RPS3: variants seen among roughly 807,000 people sequenced by gnomAD.
RPS3 encodes the protein small ribosomal subunit protein uS3.
RPS3 carries 2 observed loss-of-function variants against 25.8 expected under a neutral mutation model. That is an observed-to-expected ratio of 0.08 (90% CI 0.03 to 0.24). RPS3 has a LOEUF of 0.24. Among genes scored for constraint, RPS3 ranks in the 10% least tolerant of loss-of-function variants. RPS3 has a pLI of 1.00. For missense variants in RPS3, 107 were observed against 307.1 expected (o/e 0.35, Z 4.87); for synonymous variants, 114 against 114.2 (o/e 1.00, Z 0.01).
chr11:75,417,333 C>T (rs1047391270), intron 6 of RPS3, among the ~76,000 whole-genome samples: 4 of 152,100 alleles, frequency 2.6e-5, no homozygotes, highest in Admixed American at 2.6e-4. Flanking sequence ...AGTGGTGGCT[C>T]ATGCCTGTAA....
chr11:75,415,590 G>A (rs1042234921), intron 6 of RPS3, among the ~76,000 whole-genome samples: 5 of 152,112 alleles, frequency 3.3e-5, no homozygotes, highest in African/African-American at 1.2e-4. Flanking sequence ...GGTGGATCAC[G>A]AGGTCAGGAG....
At chr11:75,421,934 A>ATG (rs1196887440) in exon 7 of RPS3, 1 of 152,232 alleles carries the variant, frequency 6.6e-6, no homozygotes, top group African/African-American at 2.4e-5. Flanking sequence ...GTTAATATAT[A>ATG]TAGTGTGTGT....
At chr11:75,418,024 G>C (rs937110187) in intron 6 of RPS3, among the ~76,000 whole-genome samples, 1 of 152,262 alleles carries the variant, frequency 6.6e-6, no homozygotes, top group African/African-American at 2.4e-5. Context: ...CAGATAAGAG[G>C]TGCAGATACG....
At chr11:75,418,230 A>G (rs1565169096) in intron 6 of RPS3, among the ~76,000 whole-genome samples, 1 of 152,266 alleles carries the variant, frequency 6.6e-6, no homozygotes, top group Non-Finnish European at 1.5e-5. Flanking sequence ...CATGTGATCC[A>G]TCTGGCTGGG....
At chr11:75,410,083 C>G (rs1362093603), downstream of RPS3, among the ~76,000 whole-genome samples, 2 of 144,330 alleles carry the variant, frequency 1.4e-5, no homozygotes, top group African/African-American at 5.2e-5. Context: ...CCCCCCCTCC[C>G]CCCTCCCGGA....
At chr11:75,421,472 CTT>C (rs932387672) in intron 6 of RPS3, among the ~76,000 whole-genome samples, 4 of 152,172 alleles carry the variant, frequency 2.6e-5, no homozygotes, top group African/African-American at 9.7e-5. Flanking sequence ...CTTTTGTTCC[CTT>C]TCTCTCCCTC....
intron 3 of RPS3, chr11:75,402,003 G>A: frequency 1.8e-6 from 1 of 548,646 alleles, no homozygotes; most frequent in South Asian, 2.3e-5. Context: ...AAAGGAGCCA[G>A]GGTGGGAGGG....
chr11:75,410,868 CGCAG>C (rs1948351699), downstream of RPS3, among the ~76,000 whole-genome samples: 1 of 152,110 alleles, frequency 6.6e-6, no homozygotes, highest in African/African-American at 2.4e-5. Context: ...CGCCTGCAAT[CGCAG>C]GCACTCTATT....
At chr11:75,399,674 C>T (rs1398896829) in intron 1 of RPS3, 97 bp downstream of exon 1, 2 of 1,111,202 alleles carry the variant, frequency 1.8e-6, no homozygotes, top group South Asian at 1.3e-5. Flanking sequence ...CGTGGCCTGC[C>T]CTGGAAGCGG....
intron 6 of RPS3, among the ~76,000 whole-genome samples, chr11:75,414,904 C>T (rs1948384228): frequency 6.6e-6 from 1 of 152,210 alleles, no homozygotes; most frequent in Non-Finnish European, 1.5e-5. Context: ...GATCCACTCC[C>T]AGACAGAAGC....
intron 6 of RPS3, chr11:75,421,602 G>C (rs1163424978): frequency 1.3e-5 from 2 of 152,412 alleles, no homozygotes; most frequent in East Asian, 1.9e-4. Context: ...TTCAGGTGCA[G>C]AGCCAGGGTG....
intron 6 of RPS3, among the ~76,000 whole-genome samples, chr11:75,420,080 C>G (rs922185486): frequency 6.6e-6 from 1 of 152,148 alleles, no homozygotes; most frequent in Admixed American, 6.5e-5. Flanking sequence ...AACAAGGGAG[C>G]GAACGGCAAA....
intron 6 of RPS3, among the ~76,000 whole-genome samples, chr11:75,412,141 T>G (rs1438748412): frequency 1.3e-5 from 2 of 152,232 alleles, no homozygotes; most frequent in African/African-American, 2.4e-5. Flanking sequence ...CCTGGCTGTT[T>G]ACACTGCTTG....
At chr11:75,408,102 CAGCTT>C (rs1387755553), downstream of RPS3, among the ~76,000 whole-genome samples, 6 of 152,184 alleles carry the variant, frequency 3.9e-5, no homozygotes, top group Non-Finnish European at 8.8e-5. Flanking sequence ...GTAAGAGTAA[CAGCTT>C]AGGGAGGAAG....
intron 1 of RPS3, chr11:75,399,789 A>G (rs1054838918): frequency 7.0e-6 from 4 of 569,638 alleles, no homozygotes; most frequent in African/African-American, 5.8e-5. Flanking sequence ...AAGCGCAGAG[A>G]GATGGGCACC....
chr11:75,411,315 A>G (rs1370777122), downstream of RPS3, among the ~76,000 whole-genome samples: 1 of 152,100 alleles, frequency 6.6e-6, no homozygotes, highest in African/African-American at 2.4e-5. Flanking sequence ...CTTGGCATTT[A>G]CCTTGATTTT....
chr11:75,403,856 G>T, intron 4 of RPS3, 164 bp from the exon 5 acceptor site: 1 of 628,620 alleles, frequency 1.6e-6, no homozygotes, highest in Non-Finnish European at 2.7e-6. Flanking sequence ...TTACCCTAAG[G>T]TTCGGAATGA....
intron 6 of RPS3, among the ~76,000 whole-genome samples, chr11:75,417,458 G>C (rs11822346): frequency 0.028 from 4,188 of 152,224 alleles, 140 homozygotes; most frequent in African/African-American, 0.074. Flanking sequence ...TTAGCCAGGC[G>C]TGGTGGCGGG....
chr11:75,421,359 C>A (rs1948443527), intron 6 of RPS3, among the ~76,000 whole-genome samples: 1 of 152,182 alleles, frequency 6.6e-6, no homozygotes, highest in African/African-American at 2.4e-5. Context: ...CTTCCAAAGG[C>A]AATCTGAGTA....
Sources: gnomAD v4.1 joint callset for allele counts (sites outside exome capture counted in the v4.1 genomes callset) on GRCh38, gnomAD v4.1.1 for gene constraint, MANE v1.5 for transcripts, NCBI Gene and HGNC (gene_info 2026-07-23, HGNC 2026-07-21) for gene names.